Variants in GATAD1 observed in about 807,000 individuals in gnomAD.
The protein encoded by GATAD1 is GATA zinc finger domain-containing protein 1.
A neutral mutation model predicts 26.5 loss-of-function variants in GATAD1; 12 were observed. The observed-to-expected ratio is 0.45, with a 90% CI of 0.29 to 0.73. The LOEUF (loss-of-function observed/expected upper bound fraction) is 0.73, where lower values mean the gene tolerates loss of function less well. GATAD1 is among the 30% of genes least tolerant of loss of function. The pLI is 0.10. For synonymous variants in GATAD1, 129 were observed against 133.1 expected, an observed-to-expected ratio of 0.97 and a Z score of 0.21; for missense variants, 266 against 342.1, an observed-to-expected ratio of 0.78 and a Z score of 1.75.
At chr7:92,453,381 G>A (rs1307784355) in intron 3 of GATAD1, among the ~76,000 whole-genome samples, 2 of 152,182 alleles carry the variant, frequency 1.3e-5, no homozygotes, top group Middle Eastern at 3.2e-3. Flanking sequence ...ATTATTTCCA[G>A]CTCAAGACCC....
At chr7:92,489,787 A>G in the GATAD1 span, 3 of 1,613,928 alleles carry the variant, frequency 1.9e-6, no homozygotes, top group Non-Finnish European at 2.5e-6. Context: ...TTCTTGTGTA[A>G]GTTCTTGGCA....
chr7:92,455,819 G>T (rs570509084), intron 4 of GATAD1, among the ~76,000 whole-genome samples: 217 of 152,250 alleles, frequency 1.4e-3, no homozygotes, highest in African/African-American at 5.0e-3. Flanking sequence ...TATGGATCAG[G>T]ATCTCAGCAG....
chr7:92,492,394 T>G, the GATAD1 span, among the ~76,000 whole-genome samples: 2 of 152,218 alleles, frequency 1.3e-5, no homozygotes, highest in African/African-American at 4.8e-5. Flanking sequence ...GGTCTCAAAC[T>G]AGGCCCAAAT....
At chr7:92,486,895 T>C in the GATAD1 span, 2 of 152,244 alleles carry the variant, frequency 1.3e-5, no homozygotes, top group African/African-American at 4.8e-5. Flanking sequence ...CATTTAAATA[T>C]CTTGGGCTTG....
chr7:92,454,809 A>T lies in GATAD1; in HGVS notation c.619+124A>T, dbSNP rs75402821. 169 of 626,458 alleles carry T rather than the reference A, an allele frequency of 2.7e-4. 2 individuals carry two copies. The East Asian group carries it at 4.6e-3, about 17-fold the overall frequency. The allele number at this position is 626,458 out of a possible 1,614,324, so 38.8% of individuals were successfully genotyped here. A position where few individuals can be genotyped will look rare whatever the true frequency, so the allele number is the denominator to read the frequency against. On this transcript the variant is annotated intron_variant, in intron 4 of 4. Coordinates refer to ENST00000287957, the MANE Select transcript of GATAD1 (RefSeq NM_021167.5). ...TATCACAGACTGAGTGGCTTAAACA[A>T]CAGAAAGTCACTTTCTCACAGTTGT...
rs1466646384 is a variant in GATAD1 at position 92,458,738 on chromosome 7, T to C, written c.*2176T>C. The C allele has an allele frequency of 2.0e-5, 3 of 152,244 alleles. No homozygotes were observed. The highest frequency in any genetic ancestry group is 4.4e-5 in the Non-Finnish European group (3 of 68,038). The allele number at this position is 152,244 out of a possible 1,614,324, so 9.4% of individuals were successfully genotyped here. ...ATAGGTAGCTACACGTACATAATTATCTCTTTATTCACAAAGGGTATAGTA... is the reference window on the plus strand; with the variant it reads ...ATAGGTAGCTACACGTACATAATTACCTCTTTATTCACAAAGGGTATAGTA... On this transcript the variant is annotated 3_prime_UTR_variant, in exon 5 of 5. Coordinates refer to ENST00000287957, the MANE Select transcript of GATAD1 (RefSeq NM_021167.5).
Position 92,457,161 on chromosome 7 carries a change from GA to G in GATAD1, c.*619del, listed in dbSNP as rs35310565. The G allele has an allele frequency of 5.0e-3, 481 of 95,542 alleles. 2 individuals are homozygous for G. Among genetic ancestry groups the G allele is most frequent in the Middle Eastern group, 0.014 (2 of 148 alleles). The allele number at this position is 95,542 out of a possible 1,614,324, so 5.9% of individuals were successfully genotyped here. A position where few individuals can be genotyped will look rare whatever the true frequency, so the allele number is the denominator to read the frequency against. On this transcript the variant is annotated 3_prime_UTR_variant, in exon 5 of 5. Transcript: ENST00000287957. The stretch of plus-strand genomic sequence containing the variant: ...GCAACAGAGTGAGACTCTTGTCTCG[GA>G]AAAAAAAAAAAAAAAAAAAGGCTGG...
At chr7:92,471,578 G>C in the GATAD1 span, 1 of 152,212 alleles carries the variant, frequency 6.6e-6, no homozygotes, top group South Asian at 2.1e-4. Context: ...TGGTTTCCCG[G>C]AGGGGATTAC....
At chr7:92,460,873 G>T (rs780238497), downstream of GATAD1, among the ~76,000 whole-genome samples, 5 of 150,322 alleles carry the variant, frequency 3.3e-5, no homozygotes, top group Non-Finnish European at 7.4e-5. Flanking sequence ...TTTATACTTC[G>T]CAGTATTTTC....
At chr7:92,448,164 G>A (rs1186956521) in intron 1 of GATAD1, among the ~76,000 whole-genome samples, 186 bp downstream of exon 1, 5 of 152,218 alleles carry the variant, frequency 3.3e-5, no homozygotes, top group Non-Finnish European at 7.3e-5. Context: ...GTTATTGTAA[G>A]AAATTCAAAG....
At chr7:92,475,436 C>T in the GATAD1 span, 3 of 152,202 alleles carry the variant, frequency 2.0e-5, no homozygotes, top group Non-Finnish European at 2.9e-5. Context: ...CTCTGCTTAT[C>T]GAATTAGTTA....
At chr7:92,449,673 CTTTTT>C in intron 2 of GATAD1, 1 of 732,626 alleles carries the variant, frequency 1.4e-6, no homozygotes, top group Non-Finnish European at 1.6e-6. Flanking sequence ...AGACTATTTT[CTTTTT>C]TTTTTTTTAA....
rs6963580 is a variant in GATAD1, at chr7:92,448,073, C to T, written c.249+95C>T. 9 of 955,826 alleles carry T rather than the reference C, an allele frequency of 9.4e-6. No individual in the cohort carries two copies. The East Asian group carries it at 3.5e-4, about 37-fold the overall frequency. 59.2% of individuals were successfully genotyped at this position (955,826 alleles called of 1,614,324 possible). A position where few individuals can be genotyped will look rare whatever the true frequency, so the allele number is the denominator to read the frequency against. ...GGGAGCGGGCGGGCGCGGGCTTCCC[C>T]GATCGCCGTGCTCCTGCTGGCTGGA... On this transcript the variant is annotated intron_variant, in intron 1 of 4. Coordinates refer to ENST00000287957, the MANE Select transcript of GATAD1 (RefSeq NM_021167.5).
the GATAD1 span, chr7:92,469,514 G>A: frequency 3.9e-6 from 3 of 768,474 alleles, no homozygotes; most frequent in Non-Finnish European, 7.2e-6. Flanking sequence ...AAGAATGAGA[G>A]GAAGCACATA....
the GATAD1 span, among the ~76,000 whole-genome samples, chr7:92,473,940 C>T: frequency 4.6e-5 from 7 of 152,090 alleles, no homozygotes; most frequent in African/African-American, 1.7e-4. Context: ...CCTTTGTCCC[C>T]TGGGGCAGTG....
chr7:92,482,541 A>G, the GATAD1 span, among the ~76,000 whole-genome samples: 2 of 152,100 alleles, frequency 1.3e-5, no homozygotes, highest in Non-Finnish European at 2.9e-5. Context: ...ACTGGCATTG[A>G]GCAGGGTAAG....
At chr7:92,466,798 T>C in the GATAD1 span, among the ~76,000 whole-genome samples, 2 of 152,206 alleles carry the variant, frequency 1.3e-5, no homozygotes, top group African/African-American at 4.8e-5. Flanking sequence ...ACCACTTGTG[T>C]TATCTAAGAT....
At chr7:92,493,017 T>C in the GATAD1 span, 1 of 1,613,762 alleles carries the variant, frequency 6.2e-7, no homozygotes. Flanking sequence ...AAGTAAAGCT[T>C]TCAGATCAGC....
the GATAD1 span, chr7:92,489,414 A>G: frequency 6.2e-7 from 1 of 1,613,140 alleles, no homozygotes; most frequent in East Asian, 2.2e-5. Context: ...TGGTTCATGG[A>G]TTCGTCCTCC....
Sources: allele counts gnomAD v4.1 joint callset (sites outside exome capture counted in the v4.1 genomes callset), GRCh38; gene constraint gnomAD v4.1.1; transcripts MANE v1.5; gene names NCBI Gene and HGNC (gene_info 2026-07-23, HGNC 2026-07-21).